The following RALGPS1 variants were observed in gnomAD, a reference collection of about 807,000 sequenced individuals.
The protein encoded by RALGPS1 is Ral GEF with PH domain and SH3 binding motif 1, also known as ras-specific guanine nucleotide-releasing factor RalGPS1.
RALGPS1 carries 19 observed loss-of-function variants against 78.8 expected under a neutral mutation model. That is an observed-to-expected ratio of 0.24 (90% CI 0.17 to 0.35). RALGPS1 has a LOEUF of 0.35. Ranked by LOEUF, RALGPS1 falls within the 10% of genes least tolerant of loss-of-function variation. The pLI, the probability that RALGPS1 is intolerant of heterozygous loss-of-function variation, is 1.00. For synonymous variants in RALGPS1, 228 were observed against 256.3 expected (o/e 0.89, Z 1.06); for missense variants, 454 against 688.3 (o/e 0.66, Z 3.81).
intron 4 of RALGPS1, among the ~76,000 whole-genome samples, chr9:127,024,593 T>G (rs1276294515): frequency 6.6e-6 from 1 of 152,088 alleles, no homozygotes; most frequent in African/African-American, 2.4e-5. Context: ...ACGTAACTGT[T>G]ACACATAGTC....
At chr9:127,213,851 C>G (rs888292610) in intron 17 of RALGPS1, 10 of 152,222 alleles carry the variant, frequency 6.6e-5, no homozygotes, top group African/African-American at 2.4e-4. Context: ...TCTGCATTTC[C>G]AGCAAGCTCC....
At chr9:127,146,734 G>A (rs960179595) in intron 8 of RALGPS1, among the ~76,000 whole-genome samples, 3 of 152,016 alleles carry the variant, frequency 2.0e-5, no homozygotes, top group African/African-American at 7.2e-5. Flanking sequence ...AGTAGAGATG[G>A]GGTCTCACCA....
At chr9:127,114,165 A>G (rs949876181) in intron 8 of RALGPS1, among the ~76,000 whole-genome samples, 2 of 152,202 alleles carry the variant, frequency 1.3e-5, no homozygotes, top group Admixed American at 1.3e-4. Flanking sequence ...TGGTGGCCCC[A>G]CTTGAGCACT....
At chr9:126,949,445 C>T (rs1334902602) in intron 1 of RALGPS1, among the ~76,000 whole-genome samples, 2 of 152,178 alleles carry the variant, frequency 1.3e-5, no homozygotes, top group African/African-American at 4.8e-5. Flanking sequence ...TCAAAGTGTT[C>T]CTGTTTCTCC....
At chr9:127,196,213 C>T (rs549233651) in intron 12 of RALGPS1, among the ~76,000 whole-genome samples, 3 of 152,200 alleles carry the variant, frequency 2.0e-5, no homozygotes, top group Non-Finnish European at 4.4e-5. Flanking sequence ...TCTGCTCACT[C>T]GAGCCTCATA....
Position 127,122,203 on chromosome 9 carries a change from A to T in RALGPS1, c.611-43866A>T, listed in dbSNP as rs993654310. Reference sequence around the variant, plus strand: ...CGATAGCAGGGAGTGACCCTCTGAGATCCAGCAGCACACACCCCCAGCTGG... The same window carrying T: ...CGATAGCAGGGAGTGACCCTCTGAGTTCCAGCAGCACACACCCCCAGCTGG... On this transcript the variant is annotated intron_variant, in intron 8 of 18. Transcript: ENST00000259351. The surrounding 1 kb of genome is among the most constrained non-coding windows in gnomAD (Gnocchi z 6.4). 6.6e-6 allele frequency: 1 copy of T among 152,020 alleles called. No individual in the cohort carries two copies. Among genetic ancestry groups the T allele is most frequent in the Non-Finnish European group, 1.5e-5 (1 of 68,044 alleles). 9.4% of individuals were successfully genotyped at this position (152,020 alleles called of 1,614,324 possible).
intron 6 of RALGPS1, among the ~76,000 whole-genome samples, chr9:127,050,750 C>T (rs2048237370): frequency 6.6e-6 from 1 of 152,174 alleles, no homozygotes. Flanking sequence ...CTGTCACGCC[C>T]AGTAGCTCCT....
At chr9:127,011,712 T>C (rs1186891695) in intron 4 of RALGPS1, among the ~76,000 whole-genome samples, 1 of 152,192 alleles carries the variant, frequency 6.6e-6, no homozygotes, top group Non-Finnish European at 1.5e-5. Context: ...ATAAATACTT[T>C]TATAGGACCA....
At chr9:127,142,740 C>T (rs1207803948) in intron 8 of RALGPS1, among the ~76,000 whole-genome samples, 1 of 152,146 alleles carries the variant, frequency 6.6e-6, no homozygotes, top group African/African-American at 2.4e-5. Context: ...TGAGAGGAAA[C>T]CACTGTTCTT....
rs76772836 is a variant in RALGPS1, at chr9:126,952,652, A to T, written c.-65-9573A>T. Among the ~76,000 whole-genome samples the T allele has an allele frequency of 5.4e-3, 660 of 122,438 alleles. 2 individuals carry two copies. Among genetic ancestry groups the T allele is most frequent in the South Asian group, 9.8e-3 (32 of 3,260 alleles). The allele number at this position is 122,438 out of a possible 152,430, so 80.3% of individuals were successfully genotyped here. On this transcript the variant is annotated intron_variant, in intron 1 of 18. Transcript: ENST00000259351. ...CTGAGAGAGAGAGAGAGAGAGAGAGAGAGAGTGTGTGTGTGTGTGTGTGTG... is the reference window on the plus strand; with the variant it reads ...CTGAGAGAGAGAGAGAGAGAGAGAGTGAGAGTGTGTGTGTGTGTGTGTGTG...
chr9:127,087,564 C>G (rs1031678947), intron 8 of RALGPS1: 1 of 152,636 alleles, frequency 6.6e-6, no homozygotes, highest in Non-Finnish European at 1.5e-5. Flanking sequence ...AGGGTCTCAC[C>G]TTCTTGACTC....
intron 11 of RALGPS1, among the ~76,000 whole-genome samples, chr9:127,186,253 A>G (rs1307264385): frequency 4.6e-5 from 7 of 152,252 alleles, no homozygotes; most frequent in Non-Finnish European, 4.4e-5. Context: ...AGAAACAGCC[A>G]CTTAAAGAGC....
At position 126,931,706 on chromosome 9, in the gene RALGPS1, T is replaced by A. The variant is rs189236756; in HGVS notation, c.-66+16731T>A. Among the ~76,000 whole-genome samples, 312 of 152,312 alleles carry A rather than the reference T, an allele frequency of 2.0e-3. 1 individual carries two copies. Among genetic ancestry groups the A allele is most frequent in the African/African-American group, 7.0e-3 (293 of 41,568 alleles). ...TTCTGGAATTAGATAGTGGCAGTGG[T>A]TGTGCAACTTAGTGAATATGCTAAA... On this transcript the variant is annotated intron_variant, in intron 1 of 18. Coordinates refer to ENST00000259351, the MANE Select transcript of RALGPS1 (RefSeq NM_014636.3).
chr9:126,931,309 ACTGCTAGC>A (rs745583980), intron 1 of RALGPS1, among the ~76,000 whole-genome samples: 14 of 152,248 alleles, frequency 9.2e-5, no homozygotes, highest in Non-Finnish European at 1.6e-4. Context: ...AGGGAGGATG[ACTGCTAGC>A]GGGCAGCCTC....
chr9:127,200,664 G>A (rs2061585232), intron 14 of RALGPS1, among the ~76,000 whole-genome samples: 2 of 152,256 alleles, frequency 1.3e-5, no homozygotes, highest in African/African-American at 4.8e-5. Flanking sequence ...CATCTGGGTT[G>A]CTCAGGCAAA....
At chr9:127,184,234 C>G in intron 11 of RALGPS1, 1 of 544,172 alleles carries the variant, frequency 1.8e-6, no homozygotes. Flanking sequence ...TAGGCGAGAT[C>G]GCTTGATCCC....
chr9:127,110,264 C>G (rs2054663556), intron 8 of RALGPS1, among the ~76,000 whole-genome samples: 1 of 152,150 alleles, frequency 6.6e-6, no homozygotes, highest in African/African-American at 2.4e-5. Context: ...AGGGCTGGTT[C>G]TTGATCCTCA....
chr9:127,018,679 T>TAAC (rs1554791235), intron 4 of RALGPS1, among the ~76,000 whole-genome samples: 3 of 147,908 alleles, frequency 2.0e-5, no homozygotes, highest in South Asian at 2.1e-4. Flanking sequence ...ATAATAATAA[T>TAAC]AACGATGAAA....
chr9:126,935,974 A>G (rs528064043), intron 1 of RALGPS1, among the ~76,000 whole-genome samples: 10 of 152,300 alleles, frequency 6.6e-5, no homozygotes, highest in South Asian at 2.1e-4. Flanking sequence ...TCTGGGCTGA[A>G]TTGGCCCGAG....
Sources: allele counts gnomAD v4.1 joint callset (sites outside exome capture counted in the v4.1 genomes callset), GRCh38; gene constraint gnomAD v4.1.1; non-coding constraint Gnocchi (gnomAD v3.1); transcripts MANE v1.5; gene names NCBI Gene and HGNC (gene_info 2026-07-23, HGNC 2026-07-21).